RALYL: variants seen among roughly 807,000 people sequenced by gnomAD.
RALYL encodes the protein RNA-binding Raly-like protein.
Under a neutral mutation model 35.1 loss-of-function variants are expected in RALYL, and 29 were observed. That is an observed-to-expected ratio of 0.83 (90% confidence interval 0.61 to 1.13). The LOEUF (loss-of-function observed/expected upper bound fraction) is 1.13, where lower values mean the gene tolerates loss of function less well. RALYL is among the 50% of genes most tolerant of loss of function. The pLI, the probability that RALYL is intolerant of heterozygous loss-of-function variation, is 0.00. For synonymous variants in RALYL, 120 were observed against 127.6 expected, an observed-to-expected ratio of 0.94 and a Z score of 0.40; for missense variants, 359 against 360.4, an observed-to-expected ratio of 1.00 and a Z score of 0.03.
rs1318853793 is a variant in RALYL, at chr8:84,514,299, G to A, written c.-23-15000G>A. Among the ~76,000 whole-genome samples, 5 of 152,018 alleles carry A rather than the reference G, an allele frequency of 3.3e-5. No individual in the cohort carries two copies. The East Asian group carries it at 9.7e-4, about 29-fold the overall frequency. Reference sequence around the variant, plus strand: ...AACCATGAATGTGTTAAGATGTTTTGAATGTTACATTTTGTTTGGTCTCCA... The same window carrying A: ...AACCATGAATGTGTTAAGATGTTTTAAATGTTACATTTTGTTTGGTCTCCA... On this transcript the variant is annotated intron_variant, in intron 1 of 8. Coordinates refer to ENST00000521268, the MANE Select transcript of RALYL (RefSeq NM_173848.7).
intron 1 of RALYL, among the ~76,000 whole-genome samples, chr8:84,265,446 G>A (rs1192474593): frequency 6.6e-6 from 1 of 152,178 alleles, no homozygotes; most frequent in Non-Finnish European, 1.5e-5. Context: ...GCAAGGAATG[G>A]TGGGTGGCAT....
intron 1 of RALYL, among the ~76,000 whole-genome samples, chr8:84,218,201 A>C (rs768748302): frequency 2.0e-5 from 3 of 152,084 alleles, no homozygotes; most frequent in African/African-American, 4.8e-5. Context: ...AAGTTAATAT[A>C]GGTGAAATTA....
At chr8:84,676,132 T>A (rs960703744) in intron 2 of RALYL, among the ~76,000 whole-genome samples, 4 of 152,222 alleles carry the variant, frequency 2.6e-5, no homozygotes, top group Non-Finnish European at 5.9e-5. Context: ...AATGAAATGA[T>A]GAGCAATAAT....
At chr8:84,699,371 G>T (rs1213032192) in intron 2 of RALYL, among the ~76,000 whole-genome samples, 1 of 152,130 alleles carries the variant, frequency 6.6e-6, no homozygotes, top group Non-Finnish European at 1.5e-5. Context: ...CCACTCGGCT[G>T]TTATAATAAA....
chr8:84,902,658 G>A (rs150780554), intron 8 of RALYL, among the ~76,000 whole-genome samples: 39 of 152,176 alleles, frequency 2.6e-4, no homozygotes, highest in East Asian at 1.2e-3. Context: ...GGAGAAAATC[G>A]TTTCCATTTG....
chr8:84,854,133 G>A (rs564037782), intron 5 of RALYL, among the ~76,000 whole-genome samples: 2 of 152,198 alleles, frequency 1.3e-5, no homozygotes, highest in South Asian at 4.1e-4. Flanking sequence ...ATCACCTGCA[G>A]TGGGGAGTTT....
At chr8:84,471,292 A>G (rs1393654057) in intron 1 of RALYL, among the ~76,000 whole-genome samples, 1 of 152,156 alleles carries the variant, frequency 6.6e-6, no homozygotes, top group Non-Finnish European at 1.5e-5. Flanking sequence ...GAAAACAACA[A>G]CAACAACCAG....
chr8:84,662,392 G>A (rs770218830), intron 2 of RALYL, among the ~76,000 whole-genome samples: 14 of 152,124 alleles, frequency 9.2e-5, no homozygotes, highest in Non-Finnish European at 1.8e-4. Context: ...AAAATATTTT[G>A]AGAATAATCA....
chr8:84,482,307 A>G (rs1285214192), intron 1 of RALYL, among the ~76,000 whole-genome samples: 4 of 152,088 alleles, frequency 2.6e-5, no homozygotes, highest in South Asian at 2.1e-4. Context: ...AGTTATTTCT[A>G]TGTTTAATCC....
At chr8:84,742,444 G>C (rs1807597381) in intron 2 of RALYL, among the ~76,000 whole-genome samples, 1 of 151,776 alleles carries the variant, frequency 6.6e-6, no homozygotes. Context: ...AAGTTAGTTG[G>C]ACCAAAAAAA....
At chr8:84,846,103 T>G in intron 4 of RALYL, among the ~76,000 whole-genome samples, 1 of 152,334 alleles carries the variant, frequency 6.6e-6, no homozygotes, top group East Asian at 1.9e-4. Context: ...TGCTTAGGAT[T>G]GCTTTGGCTA....
chr8:84,537,219 C>G (rs574148960), intron 2 of RALYL, among the ~76,000 whole-genome samples: 121 of 150,396 alleles, frequency 8.0e-4, no homozygotes, highest in Non-Finnish European at 1.4e-3. Context: ...CCTATAATCT[C>G]AGCACTTTGA....
chr8:84,640,241 A>G (rs1826019508), intron 2 of RALYL, among the ~76,000 whole-genome samples: 1 of 152,054 alleles, frequency 6.6e-6, no homozygotes, highest in Non-Finnish European at 1.5e-5. Flanking sequence ...GATGTAAAAC[A>G]TTAATTCTTT....
chr8:84,528,997 T>A (rs1394021297), intron 1 of RALYL, among the ~76,000 whole-genome samples: 2 of 152,162 alleles, frequency 1.3e-5, no homozygotes, highest in Non-Finnish European at 2.9e-5. Flanking sequence ...CAAACTTTCT[T>A]TTGCAAAATA....
At chr8:84,493,864 T>C (rs2055639520) in intron 1 of RALYL, among the ~76,000 whole-genome samples, 1 of 152,200 alleles carries the variant, frequency 6.6e-6, no homozygotes, top group Non-Finnish European at 1.5e-5. Flanking sequence ...ACCTGTTCAC[T>C]CTGATGATAC....
intron 4 of RALYL, among the ~76,000 whole-genome samples, chr8:84,811,408 T>C (rs1825878638): frequency 6.6e-6 from 1 of 152,190 alleles, no homozygotes; most frequent in African/African-American, 2.4e-5. Context: ...GGTTTTCCTT[T>C]GTAGGTTACC....
At chr8:84,668,358 A>C (rs1290644521) in intron 2 of RALYL, among the ~76,000 whole-genome samples, 1 of 152,184 alleles carries the variant, frequency 6.6e-6, no homozygotes, top group Non-Finnish European at 1.5e-5. Flanking sequence ...AGTTTTCATA[A>C]AGGTCTTAAA....
At chr8:84,858,189 G>C (rs1422144412) in intron 5 of RALYL, among the ~76,000 whole-genome samples, 3 of 152,062 alleles carry the variant, frequency 2.0e-5, no homozygotes, top group Admixed American at 6.6e-5. Context: ...AATAAGAAAA[G>C]GGTACATAGA....
At chr8:84,263,212 C>T (rs1388068107) in intron 1 of RALYL, among the ~76,000 whole-genome samples, 1 of 152,084 alleles carries the variant, frequency 6.6e-6, no homozygotes, top group South Asian at 2.1e-4. Flanking sequence ...GTATTAAATG[C>T]TTTCTTTGAT....
Sources: gnomAD v4.1 joint callset for allele counts (sites outside exome capture counted in the v4.1 genomes callset) on GRCh38, gnomAD v4.1.1 for gene constraint, MANE v1.5 for transcripts, NCBI Gene and HGNC (gene_info 2026-07-23, HGNC 2026-07-21) for gene names.